ARHGEF18: variants seen among roughly 807,000 people sequenced by gnomAD.
ARHGEF18 encodes the protein rho guanine nucleotide exchange factor 18.
A neutral mutation model predicts 155.7 loss-of-function variants in ARHGEF18; 93 were observed. The observed-to-expected ratio is 0.60, with a 90% confidence interval of 0.50 to 0.71. The LOEUF (loss-of-function observed/expected upper bound fraction) is 0.71. Among genes scored for constraint, ARHGEF18 ranks in the 30% least tolerant of loss-of-function variants. The pLI is 0.00. For missense variants in ARHGEF18, 1,593 were observed against 1,816.1 expected, an observed-to-expected ratio of 0.88 and a Z score of 2.23; for synonymous variants, 742 against 753.1, an observed-to-expected ratio of 0.99 and a Z score of 0.24.
At chr19:7,354,312 C>T (rs1340902817) in intron 1 of ARHGEF18, among the ~76,000 whole-genome samples, 1 of 151,766 alleles carries the variant, frequency 6.6e-6, no homozygotes, top group African/African-American at 2.4e-5. Context: ...GATCCTGTCT[C>T]AAAAATAAAA....
At chr19:7,474,387 A>AT (rs200783062), downstream of ARHGEF18, among the ~76,000 whole-genome samples, 2,357 of 151,976 alleles carry the variant, frequency 0.016, 28 homozygotes, top group Middle Eastern at 0.031. Context: ...ATTTTTATTT[A>AT]TTTTTTTGAC....
chr19:7,362,344 G>GAGA (rs1969666175), intron 1 of ARHGEF18, among the ~76,000 whole-genome samples: 5 of 148,996 alleles, frequency 3.4e-5, no homozygotes, highest in African/African-American at 1.3e-4. Flanking sequence ...GGAGGAGGAA[G>GAGA]AGGAGGAGGA....
chr19:7,416,246 A>AT (rs755335505), intron 10 of ARHGEF18, among the ~76,000 whole-genome samples: 5 of 111,290 alleles, frequency 4.5e-5, no homozygotes, highest in Non-Finnish European at 1.0e-4. Flanking sequence ...TAAAAAAAAA[A>AT]TTTTTTTTAA....
intron 17 of ARHGEF18, 145 bp downstream of exon 17, chr19:7,453,860 T>C (rs1158064774): frequency 5.2e-6 from 6 of 1,144,144 alleles, no homozygotes; most frequent in Non-Finnish European, 7.0e-6. Context: ...CATCTTGGAT[T>C]GGTGGGTACT....
Position 7,447,034 on chromosome 19 carries a change from GT to G in ARHGEF18, c.1612-6del. ...GTTTAATTAACATTTCCATCCTTTTGTTTATCAGTTTTCAGGTGAAAATGGG... is the reference window on the plus strand; with the variant it reads ...GTTTAATTAACATTTCCATCCTTTTGTTATCAGTTTTCAGGTGAAAATGGG... On this transcript the variant is annotated splice_polypyrimidine_tract_variant and splice_region_variant and intron_variant, in intron 14 of 28. Coordinates refer to ENST00000668164, the MANE Select transcript of ARHGEF18 (RefSeq NM_001367823.1). The G allele has an allele frequency of 6.2e-7, 1 of 1,610,180 alleles. No individual in the cohort carries two copies. The highest frequency in any genetic ancestry group is 1.7e-5 in the Admixed American group (1 of 59,348).
At chr19:7,445,036 C>T (rs1026134100) in intron 14 of ARHGEF18, among the ~76,000 whole-genome samples, 1 of 152,186 alleles carries the variant, frequency 6.6e-6, no homozygotes, top group East Asian at 1.9e-4. Flanking sequence ...ACACAGAGAC[C>T]TAAATTAGGC....
At chr19:7,474,941 G>A (rs1362412882), downstream of ARHGEF18, among the ~76,000 whole-genome samples, 1 of 152,112 alleles carries the variant, frequency 6.6e-6, no homozygotes, top group East Asian at 1.9e-4. Flanking sequence ...TCTGCAAAGA[G>A]GGCCTGTAGT....
chr19:7,460,106 T>C, intron 20 of ARHGEF18, 112 bp downstream of exon 20: 1 of 1,050,984 alleles, frequency 9.5e-7, no homozygotes, highest in Admixed American at 2.4e-5. Flanking sequence ...TGTTTTCCCG[T>C]GGGCTGTGCC....
At chr19:7,362,980 C>A (rs1023700851) in intron 2 of ARHGEF18, 75 bp downstream of exon 2, 9 of 1,229,234 alleles carry the variant, frequency 7.3e-6, no homozygotes, top group South Asian at 4.1e-5. Context: ...TTAGCACCTG[C>A]ATTTTACCAG....
intron 16 of ARHGEF18, 138 bp downstream of exon 16, chr19:7,451,404 CTTTTTTT>C (rs35473770): frequency 8.0e-6 from 3 of 377,180 alleles, no homozygotes; most frequent in Non-Finnish European, 9.2e-6. Context: ...GGGTTCCTTC[CTTTTTTT>C]TTTTTTTTTT....
chr19:7,437,992 TCTCCTCCCCTCC>T (rs1272150330), intron 10 of ARHGEF18, among the ~76,000 whole-genome samples: 3 of 143,668 alleles, frequency 2.1e-5, no homozygotes, highest in African/African-American at 8.0e-5. Context: ...TCCTCTCCTC[TCTCCTCCCCTCC>T]CCTCCCCTCC....
rs149197805 is a variant in ARHGEF18 at position 7,413,970 on chromosome 19, A to G, written c.968-26374A>G. On this transcript the variant is annotated intron_variant, in intron 10 of 28. Transcript: ENST00000668164. ...TATTTATCAAAGCTGGAGATGACAG[A>G]CAGCTATAGGGGTGGCTTTAATCAC... Among the ~76,000 whole-genome samples, 692 of 152,328 alleles carry G rather than the reference A, an allele frequency of 4.5e-3. 3 individuals carry two copies. The highest frequency in any genetic ancestry group is 0.016 in the African/African-American group (665 of 41,580).
At chr19:7,382,679 G>C (rs553238411) in intron 8 of ARHGEF18, 113 bp from the exon 9 acceptor site, 1 of 615,842 alleles carries the variant, frequency 1.6e-6, no homozygotes, top group African/African-American at 1.9e-5. Flanking sequence ...GGGTAAGGCA[G>C]GACCAGGAGG....
rs1974601176 is a variant in ARHGEF18, at chr19:7,440,928, A to G, written c.1106+446A>G. On this transcript the variant is annotated intron_variant, in intron 11 of 28. Coordinates refer to ENST00000668164, the MANE Select transcript of ARHGEF18 (RefSeq NM_001367823.1). This position sits in a 1 kb window ranked among gnomAD's most constrained non-coding sequence, Gnocchi z 5.4. Reference sequence around the variant, plus strand: ...CTGATATGTTTGTGGTGACTATTCCATGAGTTCGTGGGAAAGGGAGTAAAT... The same window carrying G: ...CTGATATGTTTGTGGTGACTATTCCGTGAGTTCGTGGGAAAGGGAGTAAAT... Among the ~76,000 whole-genome samples the G allele has an allele frequency of 1.3e-5, 2 of 152,098 alleles. No homozygotes were observed. Among genetic ancestry groups the G allele is most frequent in the African/African-American group, 4.8e-5 (2 of 41,400 alleles).
chr19:7,465,527 C>T (rs1453196224), intron 23 of ARHGEF18, among the ~76,000 whole-genome samples: 2 of 151,874 alleles, frequency 1.3e-5, no homozygotes, highest in Non-Finnish European at 1.5e-5. Context: ...CCCACCTCAG[C>T]CTCCCAAGTA....
Position 7,462,063 on chromosome 19 carries a change from G to A in ARHGEF18, c.2453-89G>A. The A allele has an allele frequency of 6.5e-7, 1 of 1,532,936 alleles. No individual in the cohort carries two copies. Among genetic ancestry groups the A allele is most frequent in the Non-Finnish European group, 9.0e-7 (1 of 1,113,378 alleles). 95.0% of individuals were successfully genotyped at this position (1,532,936 alleles called of 1,614,324 possible). ...CCTACCTCAGGGCAGGGCCAGCGGG[G>A]TTCCTCATCCTTAGGCCAGTCCCCG... On this transcript the variant is annotated intron_variant, in intron 20 of 28. Transcript: ENST00000668164. The surrounding 1 kb of genome is among the most constrained non-coding windows in gnomAD (Gnocchi z 4.4).
chr19:7,361,136 TACAATTCA>T (rs1237790119), intron 1 of ARHGEF18, among the ~76,000 whole-genome samples: 3 of 152,212 alleles, frequency 2.0e-5, no homozygotes, highest in Non-Finnish European at 4.4e-5. Flanking sequence ...ATTTAAAGCA[TACAATTCA>T]GTGGTTTTAG....
chr19:7,409,679 G>A (rs188723373), intron 10 of ARHGEF18, among the ~76,000 whole-genome samples: 77 of 151,704 alleles, frequency 5.1e-4, no homozygotes, highest in African/African-American at 1.7e-3. Flanking sequence ...TCACACTTGA[G>A]CCAAGGCCCA....
intron 1 of ARHGEF18, among the ~76,000 whole-genome samples, chr19:7,350,063 G>A (rs1240950009): frequency 6.6e-6 from 1 of 152,168 alleles, no homozygotes; most frequent in Non-Finnish European, 1.5e-5. Flanking sequence ...CTCCCCCTTG[G>A]GAGACATCCC....
Sources: allele counts gnomAD v4.1 joint callset (sites outside exome capture counted in the v4.1 genomes callset), GRCh38; gene constraint gnomAD v4.1.1; non-coding constraint Gnocchi (gnomAD v3.1); transcripts MANE v1.5; gene names NCBI Gene and HGNC (gene_info 2026-07-23, HGNC 2026-07-21).